Variants in DENND1A observed in about 807,000 individuals in gnomAD.
DENND1A encodes DENN domain-containing protein 1A.
DENND1A carries 51 observed loss-of-function variants against 113.7 expected under a neutral mutation model. The ratio of observed to expected loss-of-function variants is 0.45; its 90% confidence interval spans 0.36 to 0.57. The LOEUF (loss-of-function observed/expected upper bound fraction) is 0.57, where lower values mean the gene tolerates loss of function less well. Ranked by LOEUF, DENND1A falls within the 20% of genes least tolerant of loss-of-function variation. The pLI is 0.00. For missense variants in DENND1A, 1,258 were observed against 1,395.9 expected (o/e 0.90, Z 1.57); for synonymous variants, 565 against 570.8 (o/e 0.99, Z 0.14).
rs1039503434 is a variant in DENND1A, at chr9:123,838,260, G to T, written c.88+40691C>A. Reference sequence around the variant, plus strand: ...TGGTTTGTAACACTTATAAAATGAGGACAATAATTAATCTCTTATGGGCTC... The same window carrying T: ...TGGTTTGTAACACTTATAAAATGAGTACAATAATTAATCTCTTATGGGCTC... On this transcript the variant is annotated intron_variant, in intron 2 of 23. Transcript: ENST00000394215. Among the ~76,000 whole-genome samples the T allele has an allele frequency of 1.1e-4, 16 of 151,928 alleles. 1 individual carries two copies. Among genetic ancestry groups the T allele is most frequent in the Non-Finnish European group, 2.9e-5 (2 of 68,002 alleles).
chr9:123,677,170 G>GAC (rs1235906521), intron 5 of DENND1A, among the ~76,000 whole-genome samples: 1 of 150,568 alleles, frequency 6.6e-6, no homozygotes, highest in Non-Finnish European at 1.5e-5. Flanking sequence ...CACAGACACA[G>GAC]ACACACACAC....
chr9:123,582,587 G>C (rs915116479), intron 12 of DENND1A, among the ~76,000 whole-genome samples: 6 of 152,082 alleles, frequency 3.9e-5, no homozygotes, highest in Admixed American at 2.6e-4. Context: ...TTTTAGTAGA[G>C]ACTGTGTTTC....
intron 7 of DENND1A, among the ~76,000 whole-genome samples, chr9:123,667,836 C>G (rs10986083): frequency 0.23 from 35,681 of 151,842 alleles, 4,660 homozygotes; most frequent in Admixed American, 0.28. Flanking sequence ...CCCCAAAGGC[C>G]TAAGTGATGT....
chr9:123,705,869 G>A (rs996533185), intron 5 of DENND1A, among the ~76,000 whole-genome samples: 3 of 152,140 alleles, frequency 2.0e-5, no homozygotes, highest in Admixed American at 1.3e-4. Flanking sequence ...AAGAAAAGAA[G>A]ACGTAGAGAA....
chr9:123,552,047 G>GAGAGAGAGAGAGAGAC (rs2057113237), intron 13 of DENND1A, among the ~76,000 whole-genome samples: 1 of 148,812 alleles, frequency 6.7e-6, no homozygotes, highest in Non-Finnish European at 1.5e-5. Context: ...GACAGAGAGA[G>GAGAGAGAGAGAGAGAC]AGAGAGAGAG....
intron 12 of DENND1A, among the ~76,000 whole-genome samples, chr9:123,570,887 A>G (rs2058317853): frequency 6.6e-6 from 1 of 152,158 alleles, no homozygotes; most frequent in African/African-American, 2.4e-5. Flanking sequence ...TATGGCGTGG[A>G]GAAGGCCAGG....
chr9:123,902,768 T>C (rs1369769814), intron 1 of DENND1A, among the ~76,000 whole-genome samples: 1 of 146,114 alleles, frequency 6.8e-6, no homozygotes, highest in Non-Finnish European at 1.5e-5. Context: ...AACAAAAAGC[T>C]GCAAGGAAGA....
chr9:123,387,833 C>T lies in DENND1A; in HGVS notation c.1657G>A (p.Ala553Thr). The stretch of plus-strand genomic sequence containing the variant: ...GAGGAGTCTTCGGAGAGGAAGACCG[C>T]ATAGTGTCGCAAGGGCTTTACCAGG... ...EHLVKPLRHY[A>T]VFLSEDSSDD... The change falls in exon 22 of 24, where the codon GCG (alanine) becomes ACG (threonine). Residue 553 changes from alanine to threonine, a missense_variant. This residue lies in a region of DENND1A where 1,159 missense variants were observed against 1,231.7 expected (regional missense o/e 0.94). Coordinates refer to ENST00000394215, the MANE Select transcript of DENND1A (RefSeq NM_001352964.2). 7.8e-7 allele frequency: 1 copy of T among 1,289,994 alleles called. No homozygotes were observed. Among genetic ancestry groups the T allele is most frequent in the Non-Finnish European group, 1.0e-6 (1 of 988,912 alleles). The allele number at this position is 1,289,994 out of a possible 1,614,324, so 79.9% of individuals were successfully genotyped here. A position where few individuals can be genotyped will look rare whatever the true frequency, so the allele number is the denominator to read the frequency against.
chr9:123,449,137 C>A (rs2047517234), intron 18 of DENND1A, among the ~76,000 whole-genome samples: 1 of 152,198 alleles, frequency 6.6e-6, no homozygotes, highest in South Asian at 2.1e-4. Flanking sequence ...CACCTCTGAA[C>A]TGTGGTCTGT....
chr9:123,824,594 A>G (rs549736980), intron 2 of DENND1A, among the ~76,000 whole-genome samples: 1 of 152,322 alleles, frequency 6.6e-6, no homozygotes, highest in South Asian at 2.1e-4. Context: ...AAAGCCAAAA[A>G]GTAAAGAAAA....
At chr9:123,891,954 G>C (rs975910168) in intron 1 of DENND1A, among the ~76,000 whole-genome samples, 2 of 150,096 alleles carry the variant, frequency 1.3e-5, no homozygotes, top group Non-Finnish European at 3.0e-5. Context: ...GTGCAAGGAG[G>C]GGGGACCTAA....
intron 5 of DENND1A, among the ~76,000 whole-genome samples, chr9:123,743,405 GATAA>G (rs113375616): frequency 0.39 from 57,964 of 147,900 alleles, 13,510 homozygotes; most frequent in African/African-American, 0.66. Context: ...AGTCCCAAAA[GATAA>G]ATAAATAAAT....
In DENND1A at chr9:123,444,204, C is replaced by T. The variant is rs187665653; in HGVS notation, c.1357-3713G>A. ...GATGTATATGCCCTTTGGCCCACTG[C>T]TCCCATTTTTAGAAATTTATCCTAA... On this transcript the variant is annotated intron_variant, in intron 18 of 23. Coordinates refer to ENST00000394215, the MANE Select transcript of DENND1A (RefSeq NM_001352964.2). Among the ~76,000 whole-genome samples, 4 of 152,296 alleles carry T rather than the reference C, an allele frequency of 2.6e-5. No individual in the cohort carries two copies. In the East Asian group the frequency reaches 7.7e-4, roughly 29 times the overall value.
chr9:123,418,993 C>G (rs898448616), intron 19 of DENND1A, among the ~76,000 whole-genome samples: 5 of 152,260 alleles, frequency 3.3e-5, no homozygotes, highest in African/African-American at 1.2e-4. Context: ...CTTCAATATC[C>G]TTGTGCCGTC....
chr9:123,660,500 G>C (rs1258806323), intron 8 of DENND1A, among the ~76,000 whole-genome samples: 1 of 151,300 alleles, frequency 6.6e-6, no homozygotes, highest in Non-Finnish European at 1.5e-5. Flanking sequence ...TGAAAAATTA[G>C]AAATGATCAG....
intron 21 of DENND1A, among the ~76,000 whole-genome samples, chr9:123,388,400 C>T (rs1026585845): frequency 6.6e-6 from 1 of 152,196 alleles, no homozygotes; most frequent in African/African-American, 2.4e-5. Context: ...TTTCTTTCCC[C>T]TCTGCTGCTT....
rs2059538921 is a variant in DENND1A at position 123,593,216 on chromosome 9, CT to C, written c.766-9947del. ...AGGTAGATTGGGCTTGGGATTTTATCTTCCTCAATTCCTAGTTACAGGACCA... is the reference window on the plus strand; with the variant it reads ...AGGTAGATTGGGCTTGGGATTTTATCTCCTCAATTCCTAGTTACAGGACCA... On this transcript the variant is annotated intron_variant, in intron 11 of 23. Coordinates refer to ENST00000394215, the MANE Select transcript of DENND1A (RefSeq NM_001352964.2). Among the ~76,000 whole-genome samples, 3 of 152,210 alleles carry C rather than the reference CT, an allele frequency of 2.0e-5. No individual in the cohort carries two copies. In the South Asian group the frequency reaches 6.2e-4, roughly 32 times the overall value.
At chr9:123,493,888 G>C (rs976957865) in intron 13 of DENND1A, among the ~76,000 whole-genome samples, 8 of 152,148 alleles carry the variant, frequency 5.3e-5, no homozygotes, top group Non-Finnish European at 1.2e-4. Context: ...TCTTTCCTGA[G>C]AGCAATTTGA....
intron 21 of DENND1A, chr9:123,401,419 G>C: frequency 1.0e-6 from 1 of 993,094 alleles, no homozygotes; most frequent in Admixed American, 4.6e-5. Context: ...GGTATTATGG[G>C]AGAACAACTT....
Sources: allele counts gnomAD v4.1 joint callset (sites outside exome capture counted in the v4.1 genomes callset), GRCh38; gene constraint gnomAD v4.1.1; regional missense constraint gnomAD v4.1.1; transcripts MANE v1.5; gene names NCBI Gene and HGNC (gene_info 2026-07-23, HGNC 2026-07-21).